Variants in C1orf87 observed in about 807,000 individuals in gnomAD.
C1orf87 encodes the protein chromosome 1 open reading frame 87.
In C1orf87, 58 loss-of-function variants were observed where a neutral mutation model predicts 60.5. That is an observed-to-expected ratio of 0.96 (90% CI 0.78 to 1.19). The LOEUF is 1.19. Ranked by LOEUF, C1orf87 falls within the 50% of genes most tolerant of loss-of-function variation. The pLI is 0.00. For missense variants in C1orf87, 673 were observed against 638.6 expected, an observed-to-expected ratio of 1.05 and a Z score of -0.58; for synonymous variants, 236 against 227.4, an observed-to-expected ratio of 1.04 and a Z score of -0.34.
chr1:60,072,362 T>C (rs1386435055), intron 2 of C1orf87, among the ~76,000 whole-genome samples, 175 bp downstream of exon 2: 1 of 152,174 alleles, frequency 6.6e-6, no homozygotes, highest in Non-Finnish European at 1.5e-5. Context: ...ATGAAAAATA[T>C]CAGGAAAACA....
rs1645524899 is a variant in C1orf87 at position 60,064,674 on chromosome 1, TAAATATATA to T, written c.107+7854_107+7862del. ...TATATATTAAATATATAATTATATA[TAAATATATA>T]TTTATATATAAATATATTATTTCAA... On this transcript the variant is annotated intron_variant, in intron 2 of 11. Coordinates refer to ENST00000371201, the MANE Select transcript of C1orf87 (RefSeq NM_152377.3). 2.8e-5 allele frequency among the ~76,000 whole-genome samples: 3 copies of T among 107,630 alleles called. No individual in the cohort carries two copies. In the South Asian group the frequency reaches 7.3e-4, roughly 26 times the overall value. 70.6% of individuals were successfully genotyped at this position (107,630 alleles called of 152,430 possible). A position where few individuals can be genotyped will look rare whatever the true frequency, so the allele number is the denominator to read the frequency against.
Position 60,033,393 on chromosome 1 carries a change from C to A in C1orf87, c.1029+83G>T, listed in dbSNP as rs562908190. The stretch of plus-strand genomic sequence containing the variant: ...TGTAATCCACAGGCAGAATATGGAT[C>A]AGCCCTGTGCCTTATTGCTATAGAC... On this transcript the variant is annotated intron_variant, in intron 7 of 11. Coordinates refer to ENST00000371201, the MANE Select transcript of C1orf87 (RefSeq NM_152377.3). 113 of 1,289,650 alleles carry A rather than the reference C, an allele frequency of 8.8e-5. 1 individual carries two copies. In the South Asian group the frequency reaches 1.5e-3, roughly 17 times the overall value. The allele number at this position is 1,289,650 out of a possible 1,614,324, so 79.9% of individuals were successfully genotyped here. A position where few individuals can be genotyped will look rare whatever the true frequency, so the allele number is the denominator to read the frequency against.
intron 8 of C1orf87, among the ~76,000 whole-genome samples, chr1:60,016,368 G>A (rs1348937523): frequency 1.3e-5 from 2 of 152,106 alleles, no homozygotes; most frequent in Non-Finnish European, 2.9e-5. Context: ...ATCAAGTCAA[G>A]GGGTTATTTT....
chr1:60,033,703 T>G, intron 6 of C1orf87, 62 bp from the exon 7 acceptor site: 1 of 1,535,438 alleles, frequency 6.5e-7, no homozygotes, highest in Non-Finnish European at 8.9e-7. Context: ...AGCTGCATGC[T>G]TTCCTACTAC....
intron 3 of C1orf87, among the ~76,000 whole-genome samples, chr1:60,051,142 G>C (rs1345939620): frequency 6.6e-6 from 1 of 152,228 alleles, no homozygotes; most frequent in Non-Finnish European, 1.5e-5. Flanking sequence ...TTTCAGTTTA[G>C]TGAGATGTGG....
In C1orf87 at chr1:60,040,168, T is replaced by G. The variant is rs566538384; in HGVS notation, c.496A>C (p.Ser166Arg). ...TCTTCATTTGTTGTCCCACTTGGGC[T>G]CTGGCCAATATCCTAACACAACAAT... Reference protein sequence around the residue: ...SSDQPEDIGQSPSGTTNEDAF... With the variant: ...SSDQPEDIGQRPSGTTNEDAF... Residue 166 changes from serine to arginine, a missense_variant, in exon 5 of 12, where the codon AGC becomes CGC. By Grantham distance (110) the Ser-to-Arg change is moderately radical (BLOSUM62 -1). Coordinates refer to ENST00000371201, the MANE Select transcript of C1orf87 (RefSeq NM_152377.3). 51 of 1,612,874 alleles carry G rather than the reference T, an allele frequency of 3.2e-5. No individual in the cohort carries two copies. In the South Asian group the frequency reaches 5.5e-4, roughly 17 times the overall value.
At chr1:60,036,837 T>A (rs900949575) in intron 6 of C1orf87, among the ~76,000 whole-genome samples, 1 of 152,242 alleles carries the variant, frequency 6.6e-6, no homozygotes, top group African/African-American at 2.4e-5. Context: ...TGAGATTATA[T>A]GAAGTGACTA....
intron 7 of C1orf87, among the ~76,000 whole-genome samples, chr1:60,029,261 T>C (rs549773687): frequency 6.6e-6 from 1 of 152,298 alleles, no homozygotes; most frequent in East Asian, 1.9e-4. Flanking sequence ...TCTCCATCCC[T>C]CCTGTTACTG....
At chr1:60,068,862 C>T (rs1645565947) in intron 2 of C1orf87, among the ~76,000 whole-genome samples, 2 of 152,116 alleles carry the variant, frequency 1.3e-5, no homozygotes, top group Non-Finnish European at 1.5e-5. Flanking sequence ...TCTCCTGTCA[C>T]GTGGCATGTT....
At position 60,025,481 on chromosome 1, in the gene C1orf87, C is replaced by G. The variant is rs1365323199; in HGVS notation, c.1047G>C (p.Gly349=). 1.2e-6 allele frequency: 2 copies of G among 1,611,930 alleles called. No individual in the cohort carries two copies. The highest frequency in any genetic ancestry group is 2.2e-5 in the South Asian group (2 of 90,756). ...LPLPKVRAIC[G]KHGLYLTLSL... The stretch of plus-strand genomic sequence containing the variant: ...TCAGGGTCAGATATAATCCATGCTT[C>G]CCACATATAGCCCTGACCTACAAGT... Residue 349 remains glycine, a synonymous_variant, in exon 8 of 12, where the codon GGG becomes GGC. Coordinates refer to ENST00000371201, the MANE Select transcript of C1orf87 (RefSeq NM_152377.3).
At chr1:60,016,862 C>A (rs959246623) in intron 8 of C1orf87, among the ~76,000 whole-genome samples, 1 of 152,222 alleles carries the variant, frequency 6.6e-6, no homozygotes, top group East Asian at 1.9e-4. Flanking sequence ...AAATCCAGAA[C>A]TCTGTTCAGC....
At chr1:60,024,901 T>C (rs113384348) in intron 8 of C1orf87, among the ~76,000 whole-genome samples, 15 of 152,322 alleles carry the variant, frequency 9.8e-5, no homozygotes, top group Middle Eastern at 6.8e-3. Flanking sequence ...TTTCCTGCTT[T>C]GTTTTTCTAT....
chr1:59,992,081 T>C (rs545564507), intron 11 of C1orf87, among the ~76,000 whole-genome samples: 2 of 152,092 alleles, frequency 1.3e-5, no homozygotes, highest in African/African-American at 2.4e-5. Flanking sequence ...ATTTCACCAA[T>C]ATTAACTAAT....
intron 8 of C1orf87, among the ~76,000 whole-genome samples, chr1:60,021,115 G>A (rs1450717292): frequency 6.6e-6 from 1 of 152,108 alleles, no homozygotes; most frequent in Non-Finnish European, 1.5e-5. Flanking sequence ...CACTGTGATT[G>A]TAAGTTTCCT....
chr1:60,011,365 T>C (rs1157483145), intron 8 of C1orf87, among the ~76,000 whole-genome samples: 1 of 152,036 alleles, frequency 6.6e-6, no homozygotes, highest in African/African-American at 2.4e-5. Context: ...CAAAGTCCCA[T>C]ACCTTGCCCT....
intron 8 of C1orf87, among the ~76,000 whole-genome samples, chr1:60,014,124 C>T (rs753457346): frequency 6.6e-6 from 1 of 151,982 alleles, no homozygotes; most frequent in Non-Finnish European, 1.5e-5. Context: ...CAAATAGGCA[C>T]AGAAGAGTTG....
At chr1:60,011,617 C>G (rs774863536) in intron 8 of C1orf87, among the ~76,000 whole-genome samples, 6 of 152,054 alleles carry the variant, frequency 3.9e-5, no homozygotes, top group Non-Finnish European at 7.4e-5. Context: ...AACTAAGTAT[C>G]TTTATCTTTC....
At chr1:60,045,380 C>G (rs1645358844) in intron 3 of C1orf87, among the ~76,000 whole-genome samples, 1 of 151,814 alleles carries the variant, frequency 6.6e-6, no homozygotes, top group Non-Finnish European at 1.5e-5. Context: ...TTTAAATGTG[C>G]TTTAAACAAA....
In C1orf87 at chr1:60,062,569, T is replaced by G. The variant is rs1319954942; in HGVS notation, c.108-7131A>C. On this transcript the variant is annotated intron_variant, in intron 2 of 11. Transcript: ENST00000371201. ...AATGTCTCATTACTGTTTACATTTCTTTTATTATCCTGCAGGTTGAATATA... is the reference window on the plus strand; with the variant it reads ...AATGTCTCATTACTGTTTACATTTCGTTTATTATCCTGCAGGTTGAATATA... Among the ~76,000 whole-genome samples the G allele has an allele frequency of 3.3e-5, 5 of 152,190 alleles. No individual in the cohort carries two copies. The East Asian group carries it at 9.6e-4, about 29-fold the overall frequency.
Sources: gnomAD v4.1 joint callset for allele counts (sites outside exome capture counted in the v4.1 genomes callset) on GRCh38, gnomAD v4.1.1 for gene constraint, MANE v1.5 for transcripts, NCBI Gene and HGNC (gene_info 2026-07-23, HGNC 2026-07-21) for gene names.